The following PHF2 variants were observed in gnomAD, a reference collection of about 807,000 sequenced individuals.
The protein encoded by PHF2 is PHD finger protein 2.
PHF2 carries 27 observed loss-of-function variants against 120.5 expected under a neutral mutation model. That is an observed-to-expected ratio of 0.22 (90% confidence interval 0.17 to 0.31). The LOEUF (loss-of-function observed/expected upper bound fraction) is 0.31, where lower values mean the gene tolerates loss of function less well. Among genes scored for constraint, PHF2 ranks in the 10% least tolerant of loss-of-function variants. PHF2 has a pLI of 1.00. For synonymous variants in PHF2, 568 were observed against 592.5 expected (o/e 0.96, Z 0.60); for missense variants, 1,024 against 1,434.8 (o/e 0.71, Z 4.63).
intron 1 of PHF2, among the ~76,000 whole-genome samples, chr9:93,618,873 C>CTT: frequency 7.6e-4 from 1 of 1,314 alleles, no homozygotes; most frequent in African/African-American, 2.9e-3. Flanking sequence ...TCGTGTGTCT[C>CTT]TGTGTTTGCA....
intron 1 of PHF2, among the ~76,000 whole-genome samples, chr9:93,626,895 A>G (rs891137192): frequency 4.5e-4 from 68 of 152,174 alleles, no homozygotes; most frequent in Non-Finnish European, 1.6e-4. Flanking sequence ...CTGTTGATGT[A>G]TGGGTTTATT....
intron 11 of PHF2, 121 bp downstream of exon 11, chr9:93,659,721 CAGA>C (rs1370042237): frequency 1.2e-6 from 1 of 857,638 alleles, no homozygotes; most frequent in African/African-American, 1.7e-5. Flanking sequence ...GCCAGTGCCC[CAGA>C]TGGTCCTCCT....
chr9:93,596,049 C>T (rs1369000425), intron 1 of PHF2, among the ~76,000 whole-genome samples: 7 of 152,210 alleles, frequency 4.6e-5, no homozygotes, highest in East Asian at 3.9e-4. Flanking sequence ...ACTGCCCTCC[C>T]GGCTCCACTG....
chr9:93,629,121 G>A lies in PHF2; in HGVS notation c.99-849G>A, dbSNP rs191588672. On this transcript the variant is annotated intron_variant, in intron 1 of 21. Transcript: ENST00000359246. ...TCACCATGTTGGCCAGGCTGATCTC[G>A]AACTCCTGACCTCAAGTGATCCGCC... Among the ~76,000 whole-genome samples, 450 of 152,084 alleles carry A rather than the reference G, an allele frequency of 3.0e-3. 2 individuals are homozygous for A. The highest frequency in any genetic ancestry group is 3.8e-3 in the Non-Finnish European group (260 of 67,990).
chr9:93,656,454 C>A lies in PHF2; in HGVS notation c.1041-35C>A, dbSNP rs1462190317. 1.4e-6 allele frequency: 2 copies of A among 1,436,630 alleles called. No homozygotes were observed. The highest frequency in any genetic ancestry group is 2.3e-5 in the East Asian group (1 of 43,880). 89.0% of individuals were successfully genotyped at this position (1,436,630 alleles called of 1,614,324 possible). A position where few individuals can be genotyped will look rare whatever the true frequency, so the allele number is the denominator to read the frequency against. ...TGCCCAGCGTCGCCTGCTTGATGGTCAGTGCACTGAGAACTGCTCTTTGGT... is the reference window on the plus strand; with the variant it reads ...TGCCCAGCGTCGCCTGCTTGATGGTAAGTGCACTGAGAACTGCTCTTTGGT... On this transcript the variant is annotated intron_variant, in intron 8 of 21. Coordinates refer to ENST00000359246, the MANE Select transcript of PHF2 (RefSeq NM_005392.4). This position sits in a 1 kb window ranked among gnomAD's most constrained non-coding sequence, Gnocchi z 4.1.
rs141672320 is a variant in PHF2, at chr9:93,629,567, G to A, written c.99-403G>A. Among the ~76,000 whole-genome samples, 194 of 152,344 alleles carry A rather than the reference G, an allele frequency of 1.3e-3. 3 individuals carry two copies. The highest frequency in any genetic ancestry group is 4.3e-3 in the African/African-American group (178 of 41,580). Reference sequence around the variant, plus strand: ...GTATGGCCCACAGGAGGGGCTCTGAGCTGCCTCTGGTGTTTTCTGCCCCCT... The same window carrying A: ...GTATGGCCCACAGGAGGGGCTCTGAACTGCCTCTGGTGTTTTCTGCCCCCT... On this transcript the variant is annotated intron_variant, in intron 1 of 21. Transcript: ENST00000359246.
At chr9:93,596,447 C>T (rs944715696) in intron 1 of PHF2, among the ~76,000 whole-genome samples, 2 of 152,088 alleles carry the variant, frequency 1.3e-5, no homozygotes, top group Non-Finnish European at 2.9e-5. Context: ...TGTGATGTCT[C>T]AGCCCTAAAA....
intron 2 of PHF2, among the ~76,000 whole-genome samples, chr9:93,630,423 C>T (rs965084118): frequency 6.6e-6 from 1 of 152,216 alleles, no homozygotes; most frequent in Non-Finnish European, 1.5e-5. Flanking sequence ...CCCGGCCCAG[C>T]CAGCCACTGC....
chr9:93,653,491 A>T (rs1826404159), intron 6 of PHF2, 126 bp downstream of exon 6: 1 of 959,066 alleles, frequency 1.0e-6, no homozygotes, highest in Non-Finnish European at 1.5e-6. Flanking sequence ...TGGACTGTCC[A>T]TCCCTGGGAC....
chr9:93,620,421 T>C (rs1427271908), intron 1 of PHF2, among the ~76,000 whole-genome samples: 1 of 152,152 alleles, frequency 6.6e-6, no homozygotes, highest in East Asian at 1.9e-4. Flanking sequence ...GGCTGGGGGA[T>C]CCTTTGTGAG....
intron 1 of PHF2, among the ~76,000 whole-genome samples, chr9:93,618,909 G>A (rs1422876014): frequency 1.6e-5 from 1 of 62,762 alleles, no homozygotes; most frequent in Non-Finnish European, 3.9e-5. Context: ...GTGTATGTGC[G>A]TCTGCATGTG....
Position 93,630,021 on chromosome 9 carries a change from C to T in PHF2, c.150C>T (p.Cys50=). 2 of 1,613,758 alleles carry T rather than the reference C, an allele frequency of 1.2e-6. No individual in the cohort carries two copies. The highest frequency in any genetic ancestry group is 1.7e-6 in the Non-Finnish European group (2 of 1,180,024). ...CGCCCGACATCGACATATACCACTG[C>T]CCAAACTGTGAGAAAACCCATGGGA... is the stretch of plus-strand genomic sequence containing the variant. ...EEAPDIDIYH[C]PNCEKTHGKS... The change falls in exon 2 of 22, where the codon TGC becomes TGT. Residue 50 remains cysteine, a synonymous_variant. Transcript: ENST00000359246.
chr9:93,618,308 AGT>A, intron 1 of PHF2, among the ~76,000 whole-genome samples: 1 of 152,370 alleles, frequency 6.6e-6, no homozygotes, highest in Non-Finnish European at 1.5e-5. Context: ...GGGCAAGGTG[AGT>A]GTGGTGGACT....
chr9:93,652,283 A>G (rs994313036), intron 5 of PHF2, among the ~76,000 whole-genome samples: 6 of 132,972 alleles, frequency 4.5e-5, no homozygotes, highest in Admixed American at 2.3e-4. Flanking sequence ...GGTGCTGTTG[A>G]GCTTGACTTT....
chr9:93,664,122 T>G (rs1826631649), intron 14 of PHF2, among the ~76,000 whole-genome samples: 1 of 152,114 alleles, frequency 6.6e-6, no homozygotes, highest in African/African-American at 2.4e-5. Context: ...GAGCTGGTGC[T>G]GAGGACGTGC....
Position 93,673,728 on chromosome 9 carries a change from G to T in PHF2, c.2492G>T (p.Arg831Leu), listed in dbSNP as rs776891812. The change falls in exon 18 of 22, where the codon CGG becomes CTG. Residue 831 changes from arginine to leucine, a missense_variant. By Grantham distance (102) the Arg-to-Leu change is moderately radical (BLOSUM62 -2). Around this residue, in one of 2 missense-constraint regions of PHF2, gnomAD observed 677 missense variants for 857.4 expected, o/e 0.79. Transcript: ENST00000359246. Reference sequence around the variant, plus strand: ...AGCTCGCTGGCTGCCCATGGTGCCCGGAAGAATGGGGGTGGCAGTGGCAAG... The same window carrying T: ...AGCTCGCTGGCTGCCCATGGTGCCCTGAAGAATGGGGGTGGCAGTGGCAAG... Reference protein sequence around the residue: ...KGSSLAAHGARKNGGGSGKSA... With the variant: ...KGSSLAAHGALKNGGGSGKSA... 5.6e-6 allele frequency: 9 copies of T among 1,613,216 alleles called. No individual in the cohort carries two copies. The Admixed American group carries it at 6.7e-5, about 12-fold the overall frequency.
chr9:93,608,777 G>A (rs1825587098), intron 1 of PHF2, among the ~76,000 whole-genome samples: 2 of 151,664 alleles, frequency 1.3e-5, no homozygotes, highest in South Asian at 2.1e-4. Context: ...TTTTAAGTTG[G>A]TTTCTGTTAG....
rs912229384 is a variant in PHF2 at position 93,586,725 on chromosome 9, G to A, written c.98+9854G>A. Among the ~76,000 whole-genome samples, 9 of 152,368 alleles carry A rather than the reference G, an allele frequency of 5.9e-5. 1 individual carries two copies. In the South Asian group the frequency reaches 8.3e-4, roughly 14 times the overall value. On this transcript the variant is annotated intron_variant, in intron 1 of 21. Coordinates refer to ENST00000359246, the MANE Select transcript of PHF2 (RefSeq NM_005392.4). Reference sequence around the variant, plus strand: ...TGGTTCCTTGTTCATGAGCGAGCACGTCCCTCAGTCTGTCCATCTAGCTGG... The same window carrying A: ...TGGTTCCTTGTTCATGAGCGAGCACATCCCTCAGTCTGTCCATCTAGCTGG...
chr9:93,673,832 C>G lies in PHF2; in HGVS notation c.2596C>G (p.Leu866Val). 6.2e-7 allele frequency: 1 copy of G among 1,602,810 alleles called. No homozygotes were observed. Among genetic ancestry groups the G allele is most frequent in the Non-Finnish European group, 8.5e-7 (1 of 1,171,604 alleles). The change falls in exon 18 of 22, where the codon CTG becomes GTG. Residue 866 changes from leucine (L) to valine (V), a missense_variant. Around this residue, in one of 2 missense-constraint regions of PHF2, gnomAD observed 677 missense variants for 857.4 expected, o/e 0.79. Transcript: ENST00000359246. ...CGACTACGAGGAAGAGCAGGACCAC[C>G]TGGATGCCTGCTTCAAGGACTCAGA... ...LDDYEEEQDH[L>V]DACFKDSDYV... is the part of the protein sequence containing the mutation.
Sources: gnomAD v4.1 joint callset for allele counts (sites outside exome capture counted in the v4.1 genomes callset) on GRCh38, gnomAD v4.1.1 for gene constraint, gnomAD v4.1.1 regional missense constraint, Gnocchi (gnomAD v3.1) non-coding constraint, MANE v1.5 for transcripts, NCBI Gene and HGNC (gene_info 2026-07-23, HGNC 2026-07-21) for gene names.